The following IGSF5 variants were observed in gnomAD, a reference collection of about 807,000 sequenced individuals.
IGSF5 encodes the protein immunoglobulin superfamily member 5.
In IGSF5, 41 loss-of-function variants were observed where a neutral mutation model predicts 39.4. That is an observed-to-expected ratio of 1.04 (90% CI 0.81 to 1.35). The LOEUF (loss-of-function observed/expected upper bound fraction) is 1.35, where lower values mean the gene tolerates loss of function less well. Among genes scored for constraint, IGSF5 ranks in the 40% most tolerant of loss-of-function variants. The probability of loss-of-function intolerance (pLI) is 0.00; values close to 1 mark genes in which losing one functional copy is unlikely to be tolerated. For synonymous variants in IGSF5, 183 were observed against 175.3 expected (o/e 1.04, Z -0.34); for missense variants, 487 against 494.6 (o/e 0.98, Z 0.15).
intron 2 of IGSF5, among the ~76,000 whole-genome samples, chr21:39,756,852 A>C (rs959068686): frequency 2.6e-5 from 4 of 152,084 alleles, no homozygotes; most frequent in Admixed American, 6.5e-5. Flanking sequence ...CCAAGAGGGC[A>C]TCAAAGAACA....
intron 2 of IGSF5, among the ~76,000 whole-genome samples, chr21:39,758,540 G>T (rs568351785): frequency 8.5e-5 from 13 of 152,278 alleles, no homozygotes; most frequent in African/African-American, 3.1e-4. Flanking sequence ...TTTTCAGGGC[G>T]AGAATCTCAG....
Position 39,771,115 on chromosome 21 carries a change from C to A in IGSF5, c.618C>A (p.Thr206=). 1 of 1,612,702 alleles carries A rather than the reference C, an allele frequency of 6.2e-7. No homozygotes were observed. Among genetic ancestry groups the A allele is most frequent in the Middle Eastern group, 1.7e-4 (1 of 6,060 alleles). The change falls in exon 4 of 9, where the codon ACC becomes ACA. Residue 206 remains threonine (T), a synonymous_variant. Coordinates refer to ENST00000380588, the MANE Select transcript of IGSF5 (RefSeq NM_001080444.2). ...GTGCAGTGAGCATCCTGGCTCTGAC[C>A]CCACAGAGCAATGGGACTTTGACTT... ...LQSAVSILAL[T]PQSNGTLTCV...
At chr21:39,733,091 A>T in the IGSF5 span, among the ~76,000 whole-genome samples, 1 of 152,168 alleles carries the variant, frequency 6.6e-6, no homozygotes, top group Non-Finnish European at 1.5e-5. Flanking sequence ...AAAGAAAAAA[A>T]GATATAGTAC....
chr21:39,781,076 A>G lies in IGSF5; in HGVS notation c.934+1771A>G, dbSNP rs557256053. On this transcript the variant is annotated intron_variant, in intron 5 of 8. Transcript: ENST00000380588. The stretch of plus-strand genomic sequence containing the variant: ...TACATGGAGTATCTCACTAAAATGC[A>G]TGGACTAGCCTTAACTAAACTAAAG... 1.8e-3 allele frequency among the ~76,000 whole-genome samples: 269 copies of G among 152,346 alleles called. 1 individual carries two copies. Among genetic ancestry groups the G allele is most frequent in the African/African-American group, 6.3e-3 (263 of 41,586 alleles).
chr21:39,760,580 T>A (rs78741286), intron 2 of IGSF5, among the ~76,000 whole-genome samples: 2 of 48,800 alleles, frequency 4.1e-5, no homozygotes, highest in Admixed American at 3.1e-4. Flanking sequence ...AGTCAGGTCT[T>A]TTTTTTTTTT....
the IGSF5 span, among the ~76,000 whole-genome samples, chr21:39,739,087 G>A: frequency 2.2e-4 from 33 of 151,966 alleles, no homozygotes; most frequent in South Asian, 4.2e-4. Flanking sequence ...CTGCCGCCAC[G>A]CCTGGCTAAT....
intron 4 of IGSF5, among the ~76,000 whole-genome samples, chr21:39,771,931 T>G (rs2080116633): frequency 6.6e-6 from 1 of 152,164 alleles, no homozygotes; most frequent in Admixed American, 6.5e-5. Context: ...AAGTCTGTGC[T>G]TTCATCCGGG....
rs189785659 is a variant in IGSF5, at chr21:39,754,681, A to T, written c.100+8383A>T. Among the ~76,000 whole-genome samples the T allele has an allele frequency of 3.9e-5, 6 of 152,270 alleles. No homozygotes were observed. In the East Asian group the frequency reaches 1.2e-3, roughly 29 times the overall value. ...AGACTTTAAGAATAAAAGATTTTTC[A>T]ACTAAGTGTAGGTAATTCAAGTCTG... On this transcript the variant is annotated intron_variant, in intron 2 of 8. Coordinates refer to ENST00000380588, the MANE Select transcript of IGSF5 (RefSeq NM_001080444.2).
chr21:39,795,302 G>A (rs1478040886), intron 8 of IGSF5, among the ~76,000 whole-genome samples: 3 of 152,124 alleles, frequency 2.0e-5, no homozygotes, highest in African/African-American at 4.8e-5. Flanking sequence ...GTGGAAGGGA[G>A]TGATTGTTGG....
chr21:39,732,545 A>G, the IGSF5 span, among the ~76,000 whole-genome samples: 1 of 152,200 alleles, frequency 6.6e-6, no homozygotes, highest in Non-Finnish European at 1.5e-5. Flanking sequence ...ACCCAAATAT[A>G]CCACCCTTAT....
chr21:39,788,609 C>A (rs965768627), intron 6 of IGSF5, among the ~76,000 whole-genome samples: 2 of 152,210 alleles, frequency 1.3e-5, no homozygotes, highest in Non-Finnish European at 2.9e-5. Flanking sequence ...CTGCAAGTCA[C>A]GTGAAACTGT....
chr21:39,722,237 A>G, the IGSF5 span, among the ~76,000 whole-genome samples: 1 of 152,206 alleles, frequency 6.6e-6, no homozygotes, highest in African/African-American at 2.4e-5. Flanking sequence ...AGAGCACTTT[A>G]TTAGGGCTCA....
chr21:39,760,801 A>C (rs1179756041), intron 2 of IGSF5, among the ~76,000 whole-genome samples: 1 of 152,034 alleles, frequency 6.6e-6, no homozygotes, highest in Non-Finnish European at 1.5e-5. Context: ...CGATCTCTTG[A>C]CCTCATGATC....
Position 39,776,674 on chromosome 21 carries a change from G to A in IGSF5, c.719-2416G>A, listed in dbSNP as rs142976113. Among the ~76,000 whole-genome samples the A allele has an allele frequency of 1.6e-3, 248 of 152,290 alleles. 2 individuals are homozygous for A. The highest frequency in any genetic ancestry group is 4.8e-3 in the African/African-American group (200 of 41,570). On this transcript the variant is annotated intron_variant, in intron 4 of 8. Transcript: ENST00000380588. ...GCCCTCTCTGTCCTAGATTAAGGCA[G>A]GCTCTCTCTGGGCTAGATTAGAGGA...
intron 8 of IGSF5, among the ~76,000 whole-genome samples, chr21:39,798,870 C>T (rs966510177): frequency 1.3e-5 from 2 of 152,134 alleles, no homozygotes; most frequent in Non-Finnish European, 2.9e-5. Flanking sequence ...CGTTAGTTAT[C>T]CCCTGATGCT....
At chr21:39,774,866 T>C (rs1011109513) in intron 4 of IGSF5, among the ~76,000 whole-genome samples, 1 of 152,212 alleles carries the variant, frequency 6.6e-6, no homozygotes, top group African/African-American at 2.4e-5. Context: ...GTCCTAGGCC[T>C]TTGCCCTGGC....
chr21:39,752,918 A>C (rs547396683), intron 2 of IGSF5, among the ~76,000 whole-genome samples: 1 of 151,878 alleles, frequency 6.6e-6, no homozygotes, highest in South Asian at 2.1e-4. Flanking sequence ...TTGGAGGCAT[A>C]GTTTGCAAAT....
chr21:39,749,832 G>A (rs2079995800), intron 2 of IGSF5, among the ~76,000 whole-genome samples: 1 of 152,200 alleles, frequency 6.6e-6, no homozygotes, highest in South Asian at 2.1e-4. Context: ...CTGACTCAAT[G>A]AATCTGTATT....
chr21:39,772,166 A>T, intron 4 of IGSF5, among the ~76,000 whole-genome samples: 1 of 152,208 alleles, frequency 6.6e-6, no homozygotes, highest in East Asian at 1.9e-4. Context: ...GTATTCACAG[A>T]ATTAACCGGC....
Sources: allele counts gnomAD v4.1 joint callset (sites outside exome capture counted in the v4.1 genomes callset), GRCh38; gene constraint gnomAD v4.1.1; transcripts MANE v1.5; gene names NCBI Gene and HGNC (gene_info 2026-07-23, HGNC 2026-07-21).